The following KLHL1 variants were observed in gnomAD, a reference collection of about 807,000 sequenced individuals.
KLHL1 encodes kelch-like protein 1.
In KLHL1, 47 loss-of-function variants were observed where a neutral mutation model predicts 77.7. The observed-to-expected ratio is 0.60, with a 90% CI of 0.48 to 0.77. The LOEUF is 0.77. Among genes scored for constraint, KLHL1 ranks in the 30% least tolerant of loss-of-function variants. KLHL1 has a pLI of 0.00. For synonymous variants in KLHL1, 360 were observed against 325.2 expected (o/e 1.11, Z -1.15); for missense variants, 925 against 910.8 (o/e 1.02, Z -0.20).
At chr13:69,863,937 G>T (rs1053069089) in intron 5 of KLHL1, among the ~76,000 whole-genome samples, 4 of 151,668 alleles carry the variant, frequency 2.6e-5, no homozygotes, top group African/African-American at 9.7e-5. Flanking sequence ...TACATAATAA[G>T]CAATTAGTTA....
At chr13:69,998,155 AC>A (rs1885203340) in intron 1 of KLHL1, among the ~76,000 whole-genome samples, 1 of 152,068 alleles carries the variant, frequency 6.6e-6, no homozygotes, top group Non-Finnish European at 1.5e-5. Context: ...CAATAAGCTC[AC>A]TGGTCTACCA....
At chr13:69,792,977 A>G (rs936154912) in intron 7 of KLHL1, among the ~76,000 whole-genome samples, 1 of 152,160 alleles carries the variant, frequency 6.6e-6, no homozygotes, top group African/African-American at 2.4e-5. Flanking sequence ...TCATCTCAAT[A>G]TATTCAAACA....
At chr13:69,913,300 G>C (rs775035195) in intron 4 of KLHL1, among the ~76,000 whole-genome samples, 2 of 152,128 alleles carry the variant, frequency 1.3e-5, no homozygotes, top group African/African-American at 4.8e-5. Flanking sequence ...AGGAGGCAGG[G>C]AGCTATATCC....
chr13:69,996,129 C>A (rs112607889), intron 1 of KLHL1, among the ~76,000 whole-genome samples: 6,279 of 151,912 alleles, frequency 0.041, 186 homozygotes, highest in East Asian at 0.072. Flanking sequence ...ATGGTAAAAC[C>A]CTGTCTCTAC....
chr13:70,049,763 C>T (rs116992818), intron 1 of KLHL1, among the ~76,000 whole-genome samples: 32 of 152,074 alleles, frequency 2.1e-4, no homozygotes, highest in South Asian at 1.7e-3. Flanking sequence ...ATAAACAATG[C>T]GGTGTTTCGA....
chr13:69,740,664 A>C, intron 7 of KLHL1, 108 bp from the exon 8 acceptor site: 1 of 707,016 alleles, frequency 1.4e-6, no homozygotes, highest in Non-Finnish European at 2.1e-6. Flanking sequence ...AACATAATAA[A>C]ATGAAAAAAA....
intron 3 of KLHL1, among the ~76,000 whole-genome samples, chr13:69,940,737 G>T (rs1377998902): frequency 1.0e-5 from 1 of 99,680 alleles, no homozygotes; most frequent in Admixed American, 1.1e-4. Context: ...TATAATTTTG[G>T]TTTTTAGTTT....
chr13:69,942,019 ACATT>A (rs1395802976), intron 3 of KLHL1, among the ~76,000 whole-genome samples: 3 of 152,082 alleles, frequency 2.0e-5, no homozygotes, highest in Non-Finnish European at 4.4e-5. Flanking sequence ...ATTCTACCAG[ACATT>A]CAAAGGAGAG....
At chr13:70,101,450 C>T (rs921047463) in intron 1 of KLHL1, among the ~76,000 whole-genome samples, 7 of 151,684 alleles carry the variant, frequency 4.6e-5, no homozygotes, top group Non-Finnish European at 7.4e-5. Flanking sequence ...TTTTTTAAGA[C>T]GAAGTCTCGC....
rs374958269 is a variant in KLHL1 at position 69,961,456 on chromosome 13, A to G, written c.681-12T>C. ...AACTCAGAACAAGCCTGAAAGAGTCACAGGTTCTAATTTAGGTCGTGAATG... is the reference window on the plus strand; with the variant it reads ...AACTCAGAACAAGCCTGAAAGAGTCGCAGGTTCTAATTTAGGTCGTGAATG... On this transcript the variant is annotated splice_polypyrimidine_tract_variant and intron_variant, in intron 2 of 10. Coordinates refer to ENST00000377844, the MANE Select transcript of KLHL1 (RefSeq NM_020866.3). The G allele has an allele frequency of 2.2e-5, 36 of 1,612,320 alleles. No homozygotes were observed. The African/African-American group carries it at 3.9e-4, about 17-fold the overall frequency.
At chr13:69,805,682 GA>G (rs1286402580) in intron 6 of KLHL1, among the ~76,000 whole-genome samples, 5 of 139,248 alleles carry the variant, frequency 3.6e-5, no homozygotes, top group Admixed American at 7.5e-5. Context: ...AGCTCTAGAT[GA>G]AAAAAAACAA....
chr13:69,843,392 A>G (rs1199516787), intron 5 of KLHL1, among the ~76,000 whole-genome samples: 2 of 151,676 alleles, frequency 1.3e-5, no homozygotes, highest in African/African-American at 4.8e-5. Flanking sequence ...AGAAAAGTAG[A>G]CTCATGACAT....
chr13:69,916,778 TA>T (rs1472972324), intron 4 of KLHL1, among the ~76,000 whole-genome samples: 2 of 151,732 alleles, frequency 1.3e-5, no homozygotes, highest in African/African-American at 2.4e-5. Context: ...AACCACATAG[TA>T]AATGGCTATA....
chr13:70,095,847 G>A (rs1175826826), intron 1 of KLHL1, among the ~76,000 whole-genome samples: 4 of 149,854 alleles, frequency 2.7e-5, no homozygotes, highest in South Asian at 2.1e-4. Context: ...CACCACACTC[G>A]CTAATACTCT....
At chr13:69,918,260 T>A (rs1177310810) in intron 4 of KLHL1, among the ~76,000 whole-genome samples, 2 of 151,898 alleles carry the variant, frequency 1.3e-5, no homozygotes, top group African/African-American at 4.8e-5. Flanking sequence ...TATAATTAAA[T>A]TTTAATACTA....
intron 7 of KLHL1, among the ~76,000 whole-genome samples, chr13:69,765,031 A>G (rs1399570327): frequency 7.6e-6 from 1 of 132,126 alleles, no homozygotes; most frequent in Non-Finnish European, 1.5e-5. Flanking sequence ...AGCTCACTGC[A>G]GCCTCCACCT....
At chr13:70,064,870 T>C (rs913651863) in intron 1 of KLHL1, among the ~76,000 whole-genome samples, 2 of 152,176 alleles carry the variant, frequency 1.3e-5, no homozygotes, top group Non-Finnish European at 2.9e-5. Context: ...AAATTTTGAC[T>C]AATGTGTACA....
In KLHL1 at chr13:69,891,201, C is replaced by T. The variant is rs535813051; in HGVS notation, c.1015-8706G>A. 5.9e-5 allele frequency among the ~76,000 whole-genome samples: 9 copies of T among 152,078 alleles called. 1 individual carries two copies. Among genetic ancestry groups the T allele is most frequent in the Admixed American group, 1.3e-4 (2 of 15,274 alleles). ...CTAGAGCAAAATTACCTAGATACAA[C>T]TCTGCCGGACTGAAGTGAATGGCTG... is the stretch of plus-strand genomic sequence containing the variant. On this transcript the variant is annotated intron_variant, in intron 4 of 10. Coordinates refer to ENST00000377844, the MANE Select transcript of KLHL1 (RefSeq NM_020866.3).
intron 9 of KLHL1, among the ~76,000 whole-genome samples, 160 bp downstream of exon 9, chr13:69,719,209 T>TGTGTGTGTGAGAGAGAGA (rs879782405): frequency 2.7e-5 from 1 of 36,864 alleles, no homozygotes; most frequent in African/African-American, 5.3e-5. Context: ...TGTGTGTGTG[T>TGTGTGTGTGAGAGAGAGA]GAGAGAGAGA....
Sources: gnomAD v4.1 joint callset for allele counts (sites outside exome capture counted in the v4.1 genomes callset) on GRCh38, gnomAD v4.1.1 for gene constraint, MANE v1.5 for transcripts, NCBI Gene and HGNC (gene_info 2026-07-23, HGNC 2026-07-21) for gene names.